Variants in TCF20 observed in about 807,000 individuals in gnomAD.
TCF20 encodes transcription factor 20.
TCF20 carries 3 observed loss-of-function variants against 148.6 expected under a neutral mutation model. That is an observed-to-expected ratio of 0.02 (90% CI 0.01 to 0.05). The LOEUF is 0.05. TCF20 is among the 10% of genes least tolerant of loss of function. The pLI is 1.00. For missense variants in TCF20, 2,350 were observed against 2,429.3 expected (o/e 0.97, Z 0.69); for synonymous variants, 1,049 against 909.5 (o/e 1.15, Z -2.76).
chr22:42,173,380 G>T (rs963744389), intron 3 of TCF20, among the ~76,000 whole-genome samples: 5 of 151,996 alleles, frequency 3.3e-5, no homozygotes, highest in African/African-American at 7.3e-5. Flanking sequence ...AACATCAGGT[G>T]GGGGGGAAGG....
chr22:42,168,169 C>A (rs981273294), intron 5 of TCF20, among the ~76,000 whole-genome samples: 1 of 152,172 alleles, frequency 6.6e-6, no homozygotes, highest in African/African-American at 2.4e-5. Flanking sequence ...CCCAAGAGTT[C>A]TGTTGTTTTC....
At chr22:42,323,911 GTGGT>G (rs1927792622) in intron 1 of TCF20, among the ~76,000 whole-genome samples, 2 of 129,782 alleles carry the variant, frequency 1.5e-5, no homozygotes, top group Non-Finnish European at 1.7e-5. Flanking sequence ...GGAGGTGGTG[GTGGT>G]GATGGAGGTT....
intron 1 of TCF20, among the ~76,000 whole-genome samples, chr22:42,246,147 C>T (rs1924885210): frequency 6.6e-6 from 1 of 152,062 alleles, no homozygotes; most frequent in African/African-American, 2.4e-5. Flanking sequence ...ACTCTGTCAC[C>T]CAGGCTGGAG....
At chr22:42,218,857 A>G (rs1369429054) in intron 1 of TCF20, among the ~76,000 whole-genome samples, 1 of 151,874 alleles carries the variant, frequency 6.6e-6, no homozygotes, top group African/African-American at 2.4e-5. Context: ...GTCCTGTATG[A>G]TACCCCTTTC....
intron 1 of TCF20, among the ~76,000 whole-genome samples, chr22:42,267,599 G>A (rs1926356806): frequency 6.6e-6 from 1 of 152,168 alleles, no homozygotes; most frequent in South Asian, 2.1e-4. Context: ...TACTCAGGAG[G>A]CTGAGGTGGG....
chr22:42,225,474 C>T lies in TCF20; in HGVS notation c.-36-10133G>A, dbSNP rs545560555. 3.2e-3 allele frequency among the ~76,000 whole-genome samples: 479 copies of T among 150,740 alleles called. 3 individuals are homozygous for T. The highest frequency in any genetic ancestry group is 7.0e-3 in the South Asian group (33 of 4,736). On this transcript the variant is annotated intron_variant, in intron 1 of 5. Coordinates refer to ENST00000677622, the MANE Select transcript of TCF20 (RefSeq NM_001378418.1). ...CTAAAAATACAAAAAATTAGCCGGGCGCGGTGGCGGGCGCCTGTAGTCCCA... is the reference window on the plus strand; with the variant it reads ...CTAAAAATACAAAAAATTAGCCGGGTGCGGTGGCGGGCGCCTGTAGTCCCA...
intron 2 of TCF20, among the ~76,000 whole-genome samples, chr22:42,209,381 C>G (rs1920923058): frequency 6.6e-6 from 1 of 152,168 alleles, no homozygotes; most frequent in Non-Finnish European, 1.5e-5. Context: ...AATATCCTAA[C>G]TGGAAAGTGT....
chr22:42,336,877 C>T (rs760476899), intron 1 of TCF20, among the ~76,000 whole-genome samples: 7 of 152,170 alleles, frequency 4.6e-5, no homozygotes, highest in Admixed American at 2.0e-4. Flanking sequence ...CCCTGGCCAG[C>T]GGTATCCACA....
intron 1 of TCF20, among the ~76,000 whole-genome samples, chr22:42,223,269 G>T (rs1225975635): frequency 6.6e-6 from 1 of 152,132 alleles, no homozygotes; most frequent in Non-Finnish European, 1.5e-5. Context: ...TTTTCCAAAA[G>T]TCCAAATTTT....
At chr22:42,273,651 C>A (rs550288191), upstream of TCF20, among the ~76,000 whole-genome samples, 2 of 151,446 alleles carry the variant, frequency 1.3e-5, no homozygotes, top group African/African-American at 4.9e-5. Context: ...AAAAAACAAA[C>A]AAAAAAACAA....
In TCF20 at chr22:42,226,141, A is replaced by C. The variant is rs1310685740; in HGVS notation, c.-36-10800T>G. ...CAGGGGCATCCCAAGATCACTTCAG[A>C]TGACCACATATGTGAGCAGGATGGC... On this transcript the variant is annotated intron_variant, in intron 1 of 5. Coordinates refer to ENST00000677622, the MANE Select transcript of TCF20 (RefSeq NM_001378418.1). Among the ~76,000 whole-genome samples the C allele has an allele frequency of 2.0e-5, 3 of 152,152 alleles. No homozygotes were observed. In the East Asian group the frequency reaches 5.8e-4, roughly 29 times the overall value.
intron 1 of TCF20, among the ~76,000 whole-genome samples, chr22:42,241,732 C>A (rs1924420616): frequency 6.6e-6 from 1 of 152,058 alleles, no homozygotes; most frequent in African/African-American, 2.4e-5. Context: ...GAGGTTAAGG[C>A]ACAAGAACTG....
intron 3 of TCF20, among the ~76,000 whole-genome samples, chr22:42,174,901 G>A (rs1022270422): frequency 2.0e-5 from 3 of 151,988 alleles, no homozygotes; most frequent in East Asian, 3.9e-4. Context: ...CGGGCGTGGC[G>A]GCGGGCGCCT....
At position 42,242,067 on chromosome 22, in the gene TCF20, T is replaced by G. The variant is rs116873077; in HGVS notation, c.-36-26726A>C. ...AATACAAAAAATTAGCCAGGCGTGG[T>G]AATAAGTGCCTGTAAGTCCCAGCTA... On this transcript the variant is annotated intron_variant, in intron 1 of 5. Transcript: ENST00000677622. 3.3e-5 allele frequency among the ~76,000 whole-genome samples: 5 copies of G among 150,302 alleles called. No homozygotes were observed. The East Asian group carries it at 9.9e-4, about 30-fold the overall frequency.
chr22:42,169,367 C>T (rs1364159750), intron 4 of TCF20, among the ~76,000 whole-genome samples: 1 of 152,008 alleles, frequency 6.6e-6, no homozygotes, highest in East Asian at 1.9e-4. Flanking sequence ...GACAGCCCAT[C>T]CACTGTGCAT....
rs1409032624 is a variant in TCF20, at chr22:42,213,923, A to C, written c.1383T>G (p.Thr461=). The C allele has an allele frequency of 3.1e-6, 5 of 1,614,054 alleles. No homozygotes were observed. Among genetic ancestry groups the C allele is most frequent in the Non-Finnish European group, 4.2e-6 (5 of 1,180,046 alleles). The change falls in exon 2 of 6, where the codon ACT becomes ACG. Residue 461 remains threonine, a synonymous_variant. Transcript: ENST00000677622. ...PGLSSLSALS[T]QVANLPNTVQ... Reference sequence around the variant, plus strand: ...CAGTGTTAGGAAGATTGGCCACTTGAGTACTCAGAGCACTCAAACTACTCA... The same window carrying C: ...CAGTGTTAGGAAGATTGGCCACTTGCGTACTCAGAGCACTCAAACTACTCA...
intron 1 of TCF20, among the ~76,000 whole-genome samples, chr22:42,231,526 A>T (rs1569169401): frequency 6.6e-6 from 1 of 152,198 alleles, no homozygotes; most frequent in Non-Finnish European, 1.5e-5. Context: ...GAATAACACA[A>T]TGACAGAAAA....
chr22:42,342,118 C>T (rs548405926), intron 1 of TCF20, among the ~76,000 whole-genome samples: 2 of 152,070 alleles, frequency 1.3e-5, no homozygotes, highest in African/African-American at 2.4e-5. Context: ...GGTCCAGCCT[C>T]GAAAAGTGGC....
At chr22:42,201,478 C>A (rs1277793174) in intron 2 of TCF20, among the ~76,000 whole-genome samples, 2 of 152,108 alleles carry the variant, frequency 1.3e-5, no homozygotes. Context: ...CTTAAAAAAA[C>A]AACTTTAGAC....
Sources: allele counts gnomAD v4.1 joint callset (sites outside exome capture counted in the v4.1 genomes callset), GRCh38; gene constraint gnomAD v4.1.1; transcripts MANE v1.5; gene names NCBI Gene and HGNC (gene_info 2026-07-23, HGNC 2026-07-21).